OBSL1: variants seen among roughly 807,000 people sequenced by gnomAD.
OBSL1 encodes the protein obscurin-like protein 1.
OBSL1 carries 160 observed loss-of-function variants against 172.0 expected under a neutral mutation model. That is an observed-to-expected ratio of 0.93 (90% CI 0.82 to 1.06). The LOEUF (loss-of-function observed/expected upper bound fraction) is 1.06. OBSL1 is among the 50% of genes least tolerant of loss of function. The pLI, the probability that OBSL1 is intolerant of heterozygous loss-of-function variation, is 0.00. For synonymous variants in OBSL1, 1,200 were observed against 1,196.3 expected (o/e 1.00, Z -0.06); for missense variants, 2,681 against 2,715.4 (o/e 0.99, Z 0.28).
downstream of OBSL1, chr2:219,547,720 G>A (rs1413284088): frequency 6.3e-7 from 1 of 1,582,874 alleles, no homozygotes; most frequent in East Asian, 2.2e-5. Flanking sequence ...TGCTCGGCCT[G>A]CTGCTCGCAG....
In OBSL1 at chr2:219,554,476, C is replaced by T; in HGVS notation, c.4874G>A (p.Arg1625Lys). The change falls in exon 15 of 21, where the codon AGA becomes AAA. Residue 1625 changes from arginine to lysine, a missense_variant and splice_region_variant. By Grantham distance (26) the Arg-to-Lys change is conservative. Transcript: ENST00000404537. ...GGCTGTGGTCCTGGAGGCCACACCT[C>T]TCACAATGAGTCTGGCTGCGCAGCG... ...SLRCAARLIV[R>K]EVPVTIVRGP... is the part of the protein sequence containing the mutation. 6.2e-7 allele frequency: 1 copy of T among 1,612,862 alleles called. No individual in the cohort carries two copies. Among genetic ancestry groups the T allele is most frequent in the South Asian group, 1.1e-5 (1 of 91,064 alleles).
chr2:219,567,322 G>A lies in OBSL1; in HGVS notation c.1788C>T (p.Ser596=), dbSNP rs184273178. The A allele has an allele frequency of 1.1e-5, 17 of 1,606,898 alleles. No individual in the cohort carries two copies. Among genetic ancestry groups the A allele is most frequent in the Admixed American group, 1.0e-4 (6 of 59,782 alleles). ...GDYRFRICTV[S]GHGRSPHVVF... is the part of the protein sequence containing the mutation. ...CCACGTGGGGACTACGGCCATGTCC[G>A]CTGACTGTGCAGATGCGGAAGCGGT... The change falls in exon 4 of 21, where the codon AGC becomes AGT. Residue 596 remains serine, a synonymous_variant. Transcript: ENST00000404537.
chr2:219,547,901 G>A (rs757055985), downstream of OBSL1: 80 of 1,596,046 alleles, frequency 5.0e-5, no homozygotes, highest in Middle Eastern at 3.4e-4. Context: ...CGCCACTGCC[G>A]CTGACTACTT....
Position 219,558,054 on chromosome 2 carries a change from G to A in OBSL1, c.3559C>T (p.Pro1187Ser), listed in dbSNP as rs1187307618. The A allele has an allele frequency of 1.2e-6, 2 of 1,613,666 alleles. No homozygotes were observed. The highest frequency in any genetic ancestry group is 8.5e-7 in the Non-Finnish European group (1 of 1,179,860). Residue 1187 changes from proline to serine, a missense_variant, in exon 11 of 21, where the codon CCT becomes TCT. By Grantham distance (74) the Pro-to-Ser change is moderately conservative (BLOSUM62 -1). Around this residue, in one of 5 missense-constraint regions of OBSL1, gnomAD observed 1,765 missense variants for 1,748.3 expected, o/e 1.01. Transcript: ENST00000404537. ...ETTPSPLCVA[P>S]GEPVVLSCEL... ...CAGCTCAGCACCACTGGCTCCCCAG[G>A]GGCCACACAGAGCGGGCTTGGAGTT... is the stretch of plus-strand genomic sequence containing the variant.
rs1696942018 is a variant in OBSL1, at chr2:219,566,974, C to T, written c.1990G>A (p.Glu664Lys). The change falls in exon 5 of 21, where the codon GAA becomes AAA. Residue 664 changes from glutamate to lysine, a missense_variant. Glu to Lys is a moderately conservative substitution (Grantham distance 56). This residue lies in a region of OBSL1 where 1,765 missense variants were observed against 1,748.3 expected (regional missense o/e 1.01). Coordinates refer to ENST00000404537, the MANE Select transcript of OBSL1 (RefSeq NM_015311.3). ...ATACGGTACCGCAGGGCCCCAGGTTCCACCTGGCCCTCCGGCTCGTTACTC... is the reference window on the plus strand; with the variant it reads ...ATACGGTACCGCAGGGCCCCAGGTTTCACCTGGCCCTCCGGCTCGTTACTC... Reference protein sequence around the residue: ...LKSNEPEGQVEPGALRYRIEQ... With the variant: ...LKSNEPEGQVKPGALRYRIEQ... 1 of 1,613,710 alleles carries T rather than the reference C, an allele frequency of 6.2e-7. No homozygotes were observed. Among genetic ancestry groups the T allele is most frequent in the South Asian group, 1.1e-5 (1 of 91,092 alleles).
In OBSL1 at chr2:219,562,126, C is replaced by T. The variant is rs532042226; in HGVS notation, c.2953+276G>A. Reference sequence around the variant, plus strand: ...CTGGCAGCTCATTCAGAATAGGGACCGTATTTGCATTACTCACCTGCTACT... The same window carrying T: ...CTGGCAGCTCATTCAGAATAGGGACTGTATTTGCATTACTCACCTGCTACT... On this transcript the variant is annotated intron_variant, in intron 8 of 20. Transcript: ENST00000404537. The T allele has an allele frequency of 7.8e-5, 53 of 681,182 alleles. No homozygotes were observed. In the East Asian group the frequency reaches 9.0e-4, roughly 12 times the overall value. The allele number at this position is 681,182 out of a possible 1,614,324, so 42.2% of individuals were successfully genotyped here. A position where few individuals can be genotyped will look rare whatever the true frequency, so the allele number is the denominator to read the frequency against.
At chr2:219,554,240 G>T in intron 15 of OBSL1, 1 of 588,158 alleles carries the variant, frequency 1.7e-6, no homozygotes, top group Non-Finnish European at 3.0e-6. Flanking sequence ...CTTGGTAGCA[G>T]AGTCAGTGGT....
chr2:219,556,014 ACTCACGC>A lies in OBSL1; in HGVS notation c.4608_4609+5del. The A allele has an allele frequency of 6.2e-7, 1 of 1,613,106 alleles. No homozygotes were observed. Among genetic ancestry groups the A allele is most frequent in the Non-Finnish European group, 8.5e-7 (1 of 1,179,756 alleles). On this transcript the variant is annotated splice_donor_variant and splice_donor_5th_base_variant and coding_sequence_variant and intron_variant, in exon 14 of 21. Coordinates refer to ENST00000404537, the MANE Select transcript of OBSL1 (RefSeq NM_015311.3). LOFTEE classifies it high-confidence loss of function. ...GTAATGCATTAAGAGAGGACGGGGC[ACTCACGC>A]CTCACGCTGAGCCTGGCCAGGGTGC...
chr2:219,550,112 C>A, downstream of OBSL1: 1 of 459,826 alleles, frequency 2.2e-6, no homozygotes, highest in Non-Finnish European at 3.9e-6. Context: ...GTGTGTTGCC[C>A]GTGTGTCTGT....
rs768657041 is a variant in OBSL1, at chr2:219,567,301, G to A, written c.1809C>T (p.His603=). The change falls in exon 4 of 21, where the codon CAC becomes CAT. Residue 603 remains histidine, a synonymous_variant. Transcript: ENST00000404537. ...CTVSGHGRSP[H]VVFHGSAHLV... ...GGTGAGCAGAACCGTGGAACACCAC[G>A]TGGGGACTACGGCCATGTCCGCTGA... is the stretch of plus-strand genomic sequence containing the variant. 32 of 1,602,370 alleles carry A rather than the reference G, an allele frequency of 2.0e-5. No homozygotes were observed. The South Asian group carries it at 3.1e-4, about 15-fold the overall frequency.
rs1369924352 is a variant in OBSL1, at chr2:219,552,667, C to G, written c.5177G>C (p.Arg1726Pro). Residue 1726 changes from arginine to proline, a missense_variant, in exon 18 of 21, where the codon CGG becomes CCG. Arg to Pro is a moderately radical substitution (Grantham distance 103, BLOSUM62 -2). Coordinates refer to ENST00000404537, the MANE Select transcript of OBSL1 (RefSeq NM_015311.3). The part of the protein sequence containing the change: ...ERTVAVLSEL[R>P]SVSAREGDGA... Reference sequence around the variant, plus strand: ...GTCGCCTTCGCGGGCGCTCACCGACCGCAGCTCGGAGAGTACCGCCACAGT... The same window carrying G: ...GTCGCCTTCGCGGGCGCTCACCGACGGCAGCTCGGAGAGTACCGCCACAGT... 4 of 1,538,426 alleles carry G rather than the reference C, an allele frequency of 2.6e-6. No individual in the cohort carries two copies. The African/African-American group carries it at 4.1e-5, about 16-fold the overall frequency.
chr2:219,557,809 C>G lies in OBSL1; in HGVS notation c.3790+14G>C. 1.3e-6 allele frequency: 2 copies of G among 1,584,248 alleles called. No individual in the cohort carries two copies. The highest frequency in any genetic ancestry group is 1.7e-6 in the Non-Finnish European group (2 of 1,175,350). ...TGGTGCCACTCTCAGGCTTAATGCC[C>G]AGGCTGTACTCACCAGCCACCTGGA... On this transcript the variant is annotated intron_variant, in intron 11 of 20. Coordinates refer to ENST00000404537, the MANE Select transcript of OBSL1 (RefSeq NM_015311.3).
chr2:219,559,468 C>T lies in OBSL1; in HGVS notation c.2983G>A (p.Asp995Asn), dbSNP rs546275387. 9.3e-6 allele frequency: 15 copies of T among 1,613,824 alleles called. No individual in the cohort carries two copies. The highest frequency in any genetic ancestry group is 2.2e-5 in the East Asian group (1 of 44,886). The change falls in exon 9 of 21, where the codon GAT becomes AAT. Residue 995 changes from aspartate (D) to asparagine (N), a missense_variant. By Grantham distance (23) the Asp-to-Asn change is conservative. Around this residue, in one of 5 missense-constraint regions of OBSL1, gnomAD observed 1,765 missense variants for 1,748.3 expected, o/e 1.01. Transcript: ENST00000404537. ...GTCACGGCGATCAAGGTCACCTCAT[C>T]GCGAGGGTATATGATCCGCACTGGG... is the stretch of plus-strand genomic sequence containing the variant. ...EPPVRIIYPR[D>N]EVTLIAVTLE... is the part of the protein sequence containing the mutation.
chr2:219,557,335 A>G lies in OBSL1; in HGVS notation c.4066+8T>C. 1 of 1,483,006 alleles carries G rather than the reference A, an allele frequency of 6.7e-7. No homozygotes were observed. Among genetic ancestry groups the G allele is most frequent in the South Asian group, 1.4e-5 (1 of 73,394 alleles). 91.9% of individuals were successfully genotyped at this position (1,483,006 alleles called of 1,614,324 possible). ...ACAGCCCACAGGGTGTGAGGGGTAC[A>G]CTGTTACCTTCCACGCTGACAAGGA... is the stretch of plus-strand genomic sequence containing the variant. On this transcript the variant is annotated splice_region_variant and intron_variant, in intron 12 of 20. Transcript: ENST00000404537.
At chr2:219,555,987 G>A in intron 14 of OBSL1, 33 bp downstream of exon 14, 2 of 1,607,278 alleles carry the variant, frequency 1.2e-6, no homozygotes, top group Non-Finnish European at 8.5e-7. Flanking sequence ...GGTGTAGGGT[G>A]GGTAATGCAT....
In OBSL1 at chr2:219,565,336, G is replaced by A; in HGVS notation, c.2313C>T (p.His771=). 6.2e-7 allele frequency: 1 copy of A among 1,613,994 alleles called. No individual in the cohort carries two copies. The highest frequency in any genetic ancestry group is 1.1e-5 in the South Asian group (1 of 91,084). Residue 771 remains histidine (H), a synonymous_variant, in exon 6 of 21, where the codon CAC becomes CAT. Transcript: ENST00000404537. The part of the protein sequence containing the change: ...LLVVKMDGRK[H]RLILPEAKVQ... ...CTTTGGCCTCAGGCAGGATCAGACGGTGTTTGCGCCCATCCATCTTCACCA... is the reference window on the plus strand; with the variant it reads ...CTTTGGCCTCAGGCAGGATCAGACGATGTTTGCGCCCATCCATCTTCACCA...
chr2:219,552,424 C>A, intron 18 of OBSL1, 112 bp downstream of exon 18: 2 of 1,078,854 alleles, frequency 1.9e-6, no homozygotes, highest in Non-Finnish European at 2.6e-6. Flanking sequence ...CTCACAGGGC[C>A]GTGGGGCGGG....
At chr2:219,570,198 C>T (rs929419771) in intron 1 of OBSL1, 23 bp downstream of exon 1, 4 of 1,511,230 alleles carry the variant, frequency 2.6e-6, no homozygotes, top group South Asian at 1.3e-5. Flanking sequence ...AGGCCCCTCC[C>T]TAGGTCCCGG....
chr2:219,550,645 A>T (rs1695550959), downstream of OBSL1: 21 of 687,678 alleles, frequency 3.1e-5, 1 homozygote, highest in South Asian at 4.1e-4. Flanking sequence ...CAAGCACTAC[A>T]GCCCTCGGTC....
Sources: allele counts gnomAD v4.1 joint callset, GRCh38; gene constraint gnomAD v4.1.1; regional missense constraint gnomAD v4.1.1; transcripts MANE v1.5; gene names NCBI Gene and HGNC (gene_info 2026-07-23, HGNC 2026-07-21).